ASIC1: variants seen among roughly 807,000 people sequenced by gnomAD.
ASIC1 encodes acid-sensing ion channel 1.
Under a neutral mutation model 63.4 loss-of-function variants are expected in ASIC1, and 21 were observed. The observed-to-expected ratio is 0.33, with a 90% confidence interval of 0.23 to 0.48. The LOEUF is 0.48. Ranked by LOEUF, ASIC1 falls within the 20% of genes least tolerant of loss-of-function variation. The pLI, the probability that ASIC1 is intolerant of heterozygous loss-of-function variation, is 0.99. For synonymous variants in ASIC1, 258 were observed against 278.2 expected (o/e 0.93, Z 0.72); for missense variants, 478 against 695.5 (o/e 0.69, Z 3.52).
chr12:50,057,645 C>T lies in ASIC1; in HGVS notation c.-288C>T, dbSNP rs1290425852. The T allele has an allele frequency of 1.3e-5, 2 of 152,000 alleles. No individual in the cohort carries two copies. Among genetic ancestry groups the T allele is most frequent in the Admixed American group, 1.3e-4 (2 of 15,270 alleles). 9.4% of individuals were successfully genotyped at this position (152,000 alleles called of 1,614,324 possible). A position where few individuals can be genotyped will look rare whatever the true frequency, so the allele number is the denominator to read the frequency against. ...GGCCGGACGATGGATCCCTGCAGAT[C>T]CCAGGGCTGAGAGCACCGCGCACCG... On this transcript the variant is annotated 5_prime_UTR_variant, in exon 1 of 12. Transcript: ENST00000447966. The surrounding 1 kb of genome is among the most constrained non-coding windows in gnomAD (Gnocchi z 4.7).
chr12:50,059,170 G>A lies in ASIC1; in HGVS notation c.362+42G>A. On this transcript the variant is annotated intron_variant, in intron 2 of 11. Coordinates refer to ENST00000447966, the MANE Select transcript of ASIC1 (RefSeq NM_001095.4). The surrounding 1 kb of genome is among the most constrained non-coding windows in gnomAD (Gnocchi z 4.6). Reference sequence around the variant, plus strand: ...CTCCCTCAGCCCTGCTCCTGGAGTTGCTTGAGTTCCAGTCAGGATGTCTGC... The same window carrying A: ...CTCCCTCAGCCCTGCTCCTGGAGTTACTTGAGTTCCAGTCAGGATGTCTGC... The A allele has an allele frequency of 1.3e-6, 2 of 1,596,956 alleles. No homozygotes were observed. Among genetic ancestry groups the A allele is most frequent in the Non-Finnish European group, 8.5e-7 (1 of 1,172,602 alleles).
intron 3 of ASIC1, among the ~76,000 whole-genome samples, chr12:50,064,539 T>C (rs750555877): frequency 1.3e-5 from 2 of 152,096 alleles, no homozygotes; most frequent in African/African-American, 2.4e-5. Context: ...GCTAAAGCAA[T>C]AGGGAATTCA....
At position 50,059,128 on chromosome 12, in the gene ASIC1, G is replaced by A. The variant is rs1229431292; in HGVS notation, c.362G>A (p.Arg121Lys). The A allele has an allele frequency of 2.5e-6, 4 of 1,612,026 alleles. No homozygotes were observed. The highest frequency in any genetic ancestry group is 2.7e-5 in the African/African-American group (2 of 74,876). The part of the protein sequence containing the change: ...AGELLALLNN[R>K]YEIPDTQMAD... ...GAGCTGCTGGCCCTGCTCAACAACA[G>A]GTGGGTGGCTCCCACCCTCCCTCAG... Residue 121 changes from arginine to lysine, a missense_variant and splice_region_variant, in exon 2 of 12, where the codon AGG becomes AAG. By Grantham distance (26) the Arg-to-Lys change is conservative. Around this residue, in one of 3 missense-constraint regions of ASIC1, gnomAD observed 290 missense variants for 414.9 expected, o/e 0.70. Transcript: ENST00000447966. This position sits in a 1 kb window ranked among gnomAD's most constrained non-coding sequence, Gnocchi z 4.6.
In ASIC1 at chr12:50,078,117, A is replaced by G. The variant is rs747488300; in HGVS notation, c.827A>G (p.Gln276Arg). Residue 276 changes from glutamine (Q) to arginine (R), a missense_variant, in exon 5 of 12, where the codon CAG becomes CGG. Gln to Arg is a conservative substitution (Grantham distance 43, BLOSUM62 1). Coordinates refer to ENST00000447966, the MANE Select transcript of ASIC1 (RefSeq NM_001095.4). This position sits in a 1 kb window ranked among gnomAD's most constrained non-coding sequence, Gnocchi z 6.0. ...GGCTTCCAGACCTTTGTGGCCTGCC[A>G]GGAGCAGCGGGTGAGAGGGCCATGG... ...APGFQTFVAC[Q>R]EQRLIYLPPP... 2 of 1,613,230 alleles carry G rather than the reference A, an allele frequency of 1.2e-6. No homozygotes were observed. The highest frequency in any genetic ancestry group is 1.7e-6 in the Non-Finnish European group (2 of 1,179,590).
Position 50,074,218 on chromosome 12 carries a change from C to T in ASIC1, c.559-2995C>T. The T allele has an allele frequency of 1.3e-6, 2 of 1,499,246 alleles. No individual in the cohort carries two copies. Among genetic ancestry groups the T allele is most frequent in the South Asian group, 2.5e-5 (2 of 79,820 alleles). 92.9% of individuals were successfully genotyped at this position (1,499,246 alleles called of 1,614,324 possible). A position where few individuals can be genotyped will look rare whatever the true frequency, so the allele number is the denominator to read the frequency against. On this transcript the variant is annotated intron_variant, in intron 3 of 11. Transcript: ENST00000447966. This position sits in a 1 kb window ranked among gnomAD's most constrained non-coding sequence, Gnocchi z 4.2. ...GCTCTATTGCTCCTACCAAGGGGGACCCTGCGGCCCTCACAACTTCTCAGT... is the reference window on the plus strand; with the variant it reads ...GCTCTATTGCTCCTACCAAGGGGGATCCTGCGGCCCTCACAACTTCTCAGT...
intron 3 of ASIC1, among the ~76,000 whole-genome samples, chr12:50,062,724 C>T: frequency 6.6e-6 from 1 of 152,198 alleles, no homozygotes; most frequent in East Asian, 1.9e-4. Flanking sequence ...CATAAGAAGA[C>T]AATTCAGGGA....
At position 50,077,600 on chromosome 12, in the gene ASIC1, C is replaced by T. The variant is rs112164778; in HGVS notation, c.709+237C>T. Among the ~76,000 whole-genome samples the T allele has an allele frequency of 3.6e-4, 54 of 152,038 alleles. No homozygotes were observed. The South Asian group carries it at 3.9e-3, about 11-fold the overall frequency. On this transcript the variant is annotated intron_variant, in intron 4 of 11. Transcript: ENST00000447966. ...AGCCATCCTCTTCCATCAACGCCGC[C>T]GCCACTCTATAAATAACTCCCTCTC... is the stretch of plus-strand genomic sequence containing the variant.
intron 3 of ASIC1, chr12:50,073,921 T>C (rs565901656): frequency 1.3e-5 from 20 of 1,535,780 alleles, no homozygotes; most frequent in Non-Finnish European, 1.5e-5. Context: ...CCGCGTTGCT[T>C]ATTACCTCAG....
Position 50,078,134 on chromosome 12 carries a change from G to A in ASIC1, c.837+7G>A. On this transcript the variant is annotated splice_region_variant and intron_variant, in intron 5 of 11. Coordinates refer to ENST00000447966, the MANE Select transcript of ASIC1 (RefSeq NM_001095.4). The surrounding 1 kb of genome is among the most constrained non-coding windows in gnomAD (Gnocchi z 6.0). ...GGCCTGCCAGGAGCAGCGGGTGAGA[G>A]GGCCATGGGAGGCTGGTCCTGGGGT... The A allele has an allele frequency of 1.2e-6, 2 of 1,610,948 alleles. No individual in the cohort carries two copies. The highest frequency in any genetic ancestry group is 1.7e-6 in the Non-Finnish European group (2 of 1,178,494).
intron 3 of ASIC1, 149 bp from the exon 4 acceptor site, chr12:50,077,062 TGG>T: frequency 8.0e-7 from 1 of 1,254,510 alleles, no homozygotes; most frequent in Non-Finnish European, 1.2e-6. Flanking sequence ...GAGAAACAGG[TGG>T]GAGAGGGGAG....
At chr12:50,058,076 T>C (rs888588693) in intron 1 of ASIC1, among the ~76,000 whole-genome samples, 160 bp downstream of exon 1, 3 of 148,236 alleles carry the variant, frequency 2.0e-5, no homozygotes, top group Non-Finnish European at 3.0e-5. Flanking sequence ...GAAGCTGGAC[T>C]GGGGGGGGCT....
chr12:50,059,015 T>C lies in ASIC1; in HGVS notation c.249T>C (p.Ser83=). The C allele has an allele frequency of 6.2e-7, 1 of 1,614,172 alleles. No homozygotes were observed. The highest frequency in any genetic ancestry group is 1.1e-5 in the South Asian group (1 of 91,086). ...CCAAGCTCGACGAGGTGGCTGCCTC[T>C]CAGCTTACCTTCCCTGCTGTCACGC... ...HVTKLDEVAA[S]QLTFPAVTLC... is the part of the protein sequence containing the mutation. The change falls in exon 2 of 12, where the codon TCT becomes TCC. Residue 83 remains serine, a synonymous_variant. Coordinates refer to ENST00000447966, the MANE Select transcript of ASIC1 (RefSeq NM_001095.4). This position sits in a 1 kb window ranked among gnomAD's most constrained non-coding sequence, Gnocchi z 4.6.
Position 50,082,016 on chromosome 12 carries a change from C to T in ASIC1, c.*367C>T, listed in dbSNP as rs1950726086. 1 of 246,718 alleles carries T rather than the reference C, an allele frequency of 4.1e-6. No homozygotes were observed. Among genetic ancestry groups the T allele is most frequent in the Non-Finnish European group, 7.9e-6 (1 of 126,960 alleles). 15.3% of individuals were successfully genotyped at this position (246,718 alleles called of 1,614,324 possible). The stretch of plus-strand genomic sequence containing the variant: ...TGCCACCAGTCACCAAAGGCCCTTC[C>T]CAGTGAGGGGTGGAAGGGATCTCTG... On this transcript the variant is annotated 3_prime_UTR_variant, in exon 12 of 12. Transcript: ENST00000447966.
At chr12:50,062,879 G>C (rs1950512798) in intron 3 of ASIC1, among the ~76,000 whole-genome samples, 1 of 152,204 alleles carries the variant, frequency 6.6e-6, no homozygotes, top group African/African-American at 2.4e-5. Context: ...CATCCCCCAG[G>C]TGTGGCTGAG....
rs1950619293 is a variant in ASIC1 at position 50,073,483 on chromosome 12, G to A, written c.559-3730G>A. 4 of 1,428,580 alleles carry A rather than the reference G, an allele frequency of 2.8e-6. No homozygotes were observed. In the Admixed American group the frequency reaches 1.1e-4, roughly 41 times the overall value. 88.5% of individuals were successfully genotyped at this position (1,428,580 alleles called of 1,614,324 possible). A position where few individuals can be genotyped will look rare whatever the true frequency, so the allele number is the denominator to read the frequency against. ...GAGATACCTGGCTGACGGGCTGGGT[G>A]GCTGGCTCTGCCGGACTCTGCCTGG... On this transcript the variant is annotated intron_variant, in intron 3 of 11. Coordinates refer to ENST00000447966, the MANE Select transcript of ASIC1 (RefSeq NM_001095.4).
Position 50,077,214 on chromosome 12 carries a change from T to A in ASIC1, c.560T>A (p.Val187Asp). The A allele has an allele frequency of 6.2e-7, 1 of 1,608,170 alleles. No individual in the cohort carries two copies. Among genetic ancestry groups the A allele is most frequent in the Non-Finnish European group, 8.5e-7 (1 of 1,176,604 alleles). ...GGCTCTCCACTCTGCCCTCGCCAGG[T>A]CTTCACACGCTATGGAAAGTGCTAC... is the stretch of plus-strand genomic sequence containing the variant. Reference protein sequence around the residue: ...EVCSAEDFKVVFTRYGKCYTF... With the variant: ...EVCSAEDFKVDFTRYGKCYTF... Residue 187 changes from valine (V) to aspartate (D), a missense_variant and splice_region_variant, in exon 4 of 12, where the codon GTC becomes GAC. Physicochemically the swap from Val to Asp is radical, Grantham distance 152 (BLOSUM62 -3). This residue lies in a region of ASIC1 where 290 missense variants were observed against 414.9 expected (regional missense o/e 0.70). Coordinates refer to ENST00000447966, the MANE Select transcript of ASIC1 (RefSeq NM_001095.4).
In ASIC1 at chr12:50,058,973, C is replaced by T. The variant is rs1267037789; in HGVS notation, c.207C>T (p.Phe69=). ...CVCTERVQYY[F]HYHHVTKLDE... is the part of the protein sequence containing the mutation. ...GCACGGAGCGTGTGCAGTACTACTT[C>T]CACTACCACCATGTCACCAAGCTCG... The change falls in exon 2 of 12, where the codon TTC becomes TTT. Residue 69 remains phenylalanine (F), a synonymous_variant. Coordinates refer to ENST00000447966, the MANE Select transcript of ASIC1 (RefSeq NM_001095.4). 6.2e-7 allele frequency: 1 copy of T among 1,614,204 alleles called. No individual in the cohort carries two copies. Among genetic ancestry groups the T allele is most frequent in the East Asian group, 2.2e-5 (1 of 44,886 alleles).
intron 3 of ASIC1, 136 bp from the exon 4 acceptor site, chr12:50,077,077 A>G: frequency 1.4e-6 from 2 of 1,394,130 alleles, no homozygotes; most frequent in Non-Finnish European, 2.0e-6. Context: ...GAGGGGAGCA[A>G]ATGGAGAATG....
rs957937576 is a variant in ASIC1 at position 50,081,092 on chromosome 12, G to A, written c.1298-10G>A. The A allele has an allele frequency of 1.9e-6, 3 of 1,585,472 alleles. No individual in the cohort carries two copies. Among genetic ancestry groups the A allele is most frequent in the Non-Finnish European group, 2.6e-6 (3 of 1,166,736 alleles). On this transcript the variant is annotated splice_polypyrimidine_tract_variant and intron_variant, in intron 9 of 11. Coordinates refer to ENST00000447966, the MANE Select transcript of ASIC1 (RefSeq NM_001095.4). Reference sequence around the variant, plus strand: ...GACCCCACTGACCCCCCTGGCGCCTGCCCCCGCAGGTGACATCGGGGGCCA... The same window carrying A: ...GACCCCACTGACCCCCCTGGCGCCTACCCCCGCAGGTGACATCGGGGGCCA...
Sources: gnomAD v4.1 joint callset for allele counts (sites outside exome capture counted in the v4.1 genomes callset) on GRCh38, gnomAD v4.1.1 for gene constraint, gnomAD v4.1.1 regional missense constraint, Gnocchi (gnomAD v3.1) non-coding constraint, MANE v1.5 for transcripts, NCBI Gene and HGNC (gene_info 2026-07-23, HGNC 2026-07-21) for gene names.